The following CRYBB2 variants were observed in gnomAD, a reference collection of about 807,000 sequenced individuals.
CRYBB2 encodes crystallin beta B2.
A neutral mutation model predicts 24.3 loss-of-function variants in CRYBB2; 12 were observed. The ratio of observed to expected loss-of-function variants is 0.49; its 90% CI spans 0.32 to 0.80. The LOEUF is 0.80. CRYBB2 is among the 30% of genes least tolerant of loss of function. The pLI is 0.04. For missense variants in CRYBB2, 198 were observed against 268.5 expected (o/e 0.74, Z 1.83); for synonymous variants, 98 against 101.6 (o/e 0.96, Z 0.21).
chr22:25,231,772 G>A lies in CRYBB2; in HGVS notation c.618G>A (p.Ter206=). The A allele has an allele frequency of 6.2e-7, 1 of 1,613,964 alleles. No individual in the cohort carries two copies. The highest frequency in any genetic ancestry group is 1.1e-5 in the South Asian group (1 of 91,068). Reference sequence around the variant, plus strand: ...GTGGTGCCTTCCACCCCTCCAACTAGTGCCCTCCCCACCATGCCTCCTTCC... The same window carrying A: ...GTGGTGCCTTCCACCCCTCCAACTAATGCCCTCCCCACCATGCCTCCTTCC... ...HQRGAFHPSN[*] The change falls in exon 6 of 6, where the codon TAG becomes TAA. Residue 206 remains the stop codon, a stop_retained_variant. Coordinates refer to ENST00000398215, the MANE Select transcript of CRYBB2 (RefSeq NM_000496.3).
upstream of CRYBB2, among the ~76,000 whole-genome samples, chr22:25,218,139 G>A (rs984230784): frequency 1.1e-4 from 17 of 150,960 alleles, no homozygotes; most frequent in Admixed American, 4.6e-4. Context: ...GGCGCCTGTA[G>A]TCCCAGCTAC....
chr22:25,215,493 A>G (rs1170953435), upstream of CRYBB2, among the ~76,000 whole-genome samples: 2 of 152,190 alleles, frequency 1.3e-5, no homozygotes, highest in Non-Finnish European at 2.9e-5. Flanking sequence ...TCAGCTCTGA[A>G]GGCTATGAGA....
At chr22:25,224,390 T>C (rs1209588318) in intron 2 of CRYBB2, among the ~76,000 whole-genome samples, 2 of 152,194 alleles carry the variant, frequency 1.3e-5, no homozygotes, top group South Asian at 2.1e-4. Context: ...ATCTGTACCA[T>C]ATTTCTTAAT....
intron 2 of CRYBB2, among the ~76,000 whole-genome samples, chr22:25,224,508 C>G (rs1569019319): frequency 6.6e-6 from 1 of 152,142 alleles, no homozygotes; most frequent in Non-Finnish European, 1.5e-5. Flanking sequence ...AACAATATCA[C>G]AAGGCAGTTT....
At chr22:25,218,214 G>A (rs532904162), upstream of CRYBB2, among the ~76,000 whole-genome samples, 1,889 of 149,828 alleles carry the variant, frequency 0.013, 17 homozygotes, top group Non-Finnish European at 0.018. Flanking sequence ...AGCTGAGATC[G>A]TGCCACTGCA....
At chr22:25,213,610 G>A (rs1162023169) in intron 1 of CRYBB2, 1 of 152,076 alleles carries the variant, frequency 6.6e-6, no homozygotes, top group African/African-American at 2.4e-5. Context: ...CCTGTAATAA[G>A]ATGATTTCAC....
intron 4 of CRYBB2, among the ~76,000 whole-genome samples, chr22:25,229,025 TGTGTGCGTGC>T (rs2146093176): frequency 6.8e-6 from 1 of 146,904 alleles, no homozygotes; most frequent in East Asian, 2.0e-4. Context: ...GGTGTGCACG[TGTGTGCGTGC>T]GTGTGTGCAA....
At chr22:25,227,177 C>T (rs898721171) in intron 3 of CRYBB2, among the ~76,000 whole-genome samples, 5 of 152,182 alleles carry the variant, frequency 3.3e-5, no homozygotes, top group Non-Finnish European at 5.9e-5. Flanking sequence ...GAGATTTGTG[C>T]CTTCTTCCTT....
At chr22:25,229,071 GCGTGTGCACACAT>G in intron 4 of CRYBB2, among the ~76,000 whole-genome samples, 1 of 150,320 alleles carries the variant, frequency 6.7e-6, no homozygotes, top group Non-Finnish European at 1.5e-5. Flanking sequence ...GTGCATGTGT[GCGTGTGCACACAT>G]GTGTGGGTGT....
chr22:25,212,420 G>A (rs1051823765), upstream of CRYBB2, among the ~76,000 whole-genome samples: 10 of 152,228 alleles, frequency 6.6e-5, no homozygotes, highest in African/African-American at 2.4e-4. Flanking sequence ...AGAAACTGGA[G>A]CCTGAGAGCT....
At chr22:25,212,702 T>A (rs1023806068) in exon 1 of CRYBB2, 1 of 152,236 alleles carries the variant, frequency 6.6e-6, no homozygotes, top group Non-Finnish European at 1.5e-5. Flanking sequence ...CACATGCCTA[T>A]GTGCCTGGAA....
At chr22:25,217,108 C>T (rs924642333), upstream of CRYBB2, among the ~76,000 whole-genome samples, 1 of 151,804 alleles carries the variant, frequency 6.6e-6, no homozygotes, top group Non-Finnish European at 1.5e-5. Context: ...TCTTCAATTC[C>T]CTGCTTTCAA....
At chr22:25,218,779 G>GAGAGAGAAGAAAGAAAGA (rs1935251085), upstream of CRYBB2, among the ~76,000 whole-genome samples, 4 of 34,518 alleles carry the variant, frequency 1.2e-4, no homozygotes, top group Non-Finnish European at 1.1e-4. Flanking sequence ...GAGAGAGAGA[G>GAGAGAGAAGAAAGAAAGA]AAGAAAGAAA....
upstream of CRYBB2, among the ~76,000 whole-genome samples, chr22:25,218,253 C>T (rs1935212519): frequency 1.6e-5 from 2 of 123,668 alleles, no homozygotes; most frequent in African/African-American, 2.9e-5. Flanking sequence ...AGCGAGACTC[C>T]ATCTCAAAAA....
upstream of CRYBB2, chr22:25,219,600 G>A (rs1935285637): frequency 6.6e-6 from 1 of 152,250 alleles, no homozygotes; most frequent in Non-Finnish European, 1.5e-5. Flanking sequence ...CGGCACTTCT[G>A]GGGAAGGTAT....
chr22:25,218,720 G>GAGAA (rs1268372267), upstream of CRYBB2, among the ~76,000 whole-genome samples: 47 of 66,394 alleles, frequency 7.1e-4, 4 homozygotes, highest in South Asian at 3.9e-3. Context: ...GAGAGAGAGA[G>GAGAA]AGAGAGAGAG....
At chr22:25,225,311 GA>G (rs1017235720) in intron 3 of CRYBB2, among the ~76,000 whole-genome samples, 1 of 152,182 alleles carries the variant, frequency 6.6e-6, no homozygotes, top group African/African-American at 2.4e-5. Flanking sequence ...GTACTCTGGG[GA>G]TGAAGGGAGA....
chr22:25,225,448 G>T lies in CRYBB2; in HGVS notation c.173+412G>T, dbSNP rs997955120. 2.6e-5 allele frequency among the ~76,000 whole-genome samples: 4 copies of T among 152,288 alleles called. No homozygotes were observed. In the East Asian group the frequency reaches 7.7e-4, roughly 29 times the overall value. ...CCAGGAGTGTCCTCACTCCTGGGAG[G>T]TTTAAGGCTGGATGTTCCAGCCCTG... On this transcript the variant is annotated intron_variant, in intron 3 of 5. Coordinates refer to ENST00000398215, the MANE Select transcript of CRYBB2 (RefSeq NM_000496.3).
intron 1 of CRYBB2, among the ~76,000 whole-genome samples, chr22:25,214,396 A>C (rs1935141437): frequency 6.6e-6 from 1 of 152,180 alleles, no homozygotes; most frequent in Non-Finnish European, 1.5e-5. Context: ...TGTAAGTTGC[A>C]CCAAGGTGGG....
Sources: allele counts gnomAD v4.1 joint callset (sites outside exome capture counted in the v4.1 genomes callset), GRCh38; gene constraint gnomAD v4.1.1; transcripts MANE v1.5; gene names NCBI Gene and HGNC (gene_info 2026-07-23, HGNC 2026-07-21).